SDC2: variants seen among roughly 807,000 people sequenced by gnomAD.
The protein encoded by SDC2 is syndecan 2.
In SDC2, 13 loss-of-function variants were observed where a neutral mutation model predicts 22.2. That is an observed-to-expected ratio of 0.59 (90% CI 0.38 to 0.93). The LOEUF (loss-of-function observed/expected upper bound fraction) is 0.93, where lower values mean the gene tolerates loss of function less well. Ranked by LOEUF, SDC2 falls within the 40% of genes least tolerant of loss-of-function variation. The pLI, the probability that SDC2 is intolerant of heterozygous loss-of-function variation, is 0.00. For missense variants in SDC2, 235 were observed against 246.8 expected, an observed-to-expected ratio of 0.95 and a Z score of 0.32; for synonymous variants, 94 against 92.8, an observed-to-expected ratio of 1.01 and a Z score of -0.07.
At chr8:96,586,985 C>T (rs1416680502) in intron 1 of SDC2, among the ~76,000 whole-genome samples, 4 of 152,166 alleles carry the variant, frequency 2.6e-5, no homozygotes, top group African/African-American at 9.7e-5. Flanking sequence ...TGCTGTGGCG[C>T]AATCTCGGCT....
intron 1 of SDC2, among the ~76,000 whole-genome samples, chr8:96,589,287 G>T (rs1814737176): frequency 6.6e-6 from 1 of 152,172 alleles, no homozygotes; most frequent in Non-Finnish European, 1.5e-5. Context: ...TTGTATTGGT[G>T]CCTGGGGTTT....
At chr8:96,533,657 G>A (rs1813703149) in intron 1 of SDC2, among the ~76,000 whole-genome samples, 1 of 152,180 alleles carries the variant, frequency 6.6e-6, no homozygotes. Context: ...TAGACACAGA[G>A]TGCTGATTGG....
At chr8:96,589,615 T>C (rs1814744202) in intron 1 of SDC2, among the ~76,000 whole-genome samples, 1 of 152,202 alleles carries the variant, frequency 6.6e-6, no homozygotes, top group Non-Finnish European at 1.5e-5. Context: ...TTCACCATGT[T>C]GGCCAGGCTG....
At chr8:96,535,555 G>GA (rs1453983127) in intron 1 of SDC2, among the ~76,000 whole-genome samples, 1 of 152,198 alleles carries the variant, frequency 6.6e-6, no homozygotes, top group African/African-American at 2.4e-5. Flanking sequence ...AACTTAAAGA[G>GA]AAAATGCCGA....
intron 4 of SDC2, 86 bp from the exon 5 acceptor site, chr8:96,609,299 G>T: frequency 1.8e-6 from 2 of 1,113,842 alleles, no homozygotes; most frequent in Admixed American, 2.8e-5. Flanking sequence ...TTTTATAAAA[G>T]TGTAAGTAGA....
At chr8:96,588,679 C>G (rs1814726538) in intron 1 of SDC2, among the ~76,000 whole-genome samples, 1 of 152,200 alleles carries the variant, frequency 6.6e-6, no homozygotes, top group African/African-American at 2.4e-5. Context: ...GTCTGGGAGT[C>G]TGAGTTATCC....
At chr8:96,587,252 T>A (rs1256965913) in intron 1 of SDC2, among the ~76,000 whole-genome samples, 4 of 152,198 alleles carry the variant, frequency 2.6e-5, no homozygotes, top group Non-Finnish European at 5.9e-5. Context: ...ATTTCTTATG[T>A]AGGGAGGGTT....
At chr8:96,537,418 G>T (rs533257304) in intron 1 of SDC2, 1 of 152,270 alleles carries the variant, frequency 6.6e-6, no homozygotes, top group East Asian at 1.9e-4. Context: ...GCATCTCATG[G>T]TGTCCAGGTA....
At chr8:96,576,368 G>GTTTTTTTTT (rs1481198542) in intron 1 of SDC2, among the ~76,000 whole-genome samples, 23 of 16,596 alleles carry the variant, frequency 1.4e-3, no homozygotes, top group Non-Finnish European at 2.0e-3. Flanking sequence ...TTGGTAGTTT[G>GTTTTTTTTT]TTTTTGTTTT....
intron 1 of SDC2, among the ~76,000 whole-genome samples, chr8:96,573,628 C>T (rs1814439699): frequency 6.6e-6 from 1 of 152,054 alleles, no homozygotes. Flanking sequence ...GTAGATTTTA[C>T]TTACTTTAAT....
intron 1 of SDC2, among the ~76,000 whole-genome samples, chr8:96,579,077 C>T (rs942765966): frequency 6.6e-6 from 1 of 152,202 alleles, no homozygotes; most frequent in Admixed American, 6.5e-5. Context: ...TGTTTTGTTT[C>T]TTTGCCAGCA....
chr8:96,520,951 A>C (rs1313401223), intron 1 of SDC2, among the ~76,000 whole-genome samples: 2 of 152,168 alleles, frequency 1.3e-5, no homozygotes, highest in African/African-American at 4.8e-5. Context: ...GATTTGAGAG[A>C]ACAATCTAGG....
chr8:96,566,807 A>AG (rs1424898566), intron 1 of SDC2, among the ~76,000 whole-genome samples: 4 of 151,638 alleles, frequency 2.6e-5, no homozygotes, highest in African/African-American at 4.8e-5. Flanking sequence ...ATATTTAGGG[A>AG]GGGGGGTGTG....
chr8:96,565,647 A>G (rs897401161), intron 1 of SDC2, among the ~76,000 whole-genome samples: 1 of 152,096 alleles, frequency 6.6e-6, no homozygotes, highest in Non-Finnish European at 1.5e-5. Context: ...TGTGGCCTTT[A>G]TATCTGTGTC....
intron 1 of SDC2, among the ~76,000 whole-genome samples, chr8:96,581,007 GA>G (rs932987815): frequency 6.6e-6 from 1 of 151,768 alleles, no homozygotes; most frequent in Non-Finnish European, 1.5e-5. Context: ...CTAACTTGGA[GA>G]AAAAAAATTC....
At chr8:96,580,561 G>T in intron 1 of SDC2, 1 of 979,806 alleles carries the variant, frequency 1.0e-6, no homozygotes, top group South Asian at 4.7e-5. Context: ...CAGAGGTTCT[G>T]TCTGGAGGTG....
intron 1 of SDC2, among the ~76,000 whole-genome samples, chr8:96,559,121 C>T (rs949049531): frequency 6.6e-6 from 1 of 152,100 alleles, no homozygotes; most frequent in Admixed American, 6.6e-5. Flanking sequence ...TCTCTGGGAT[C>T]TCCCTAAGGA....
intron 1 of SDC2, among the ~76,000 whole-genome samples, chr8:96,525,302 G>A (rs751720324): frequency 6.6e-6 from 1 of 152,084 alleles, no homozygotes; most frequent in Non-Finnish European, 1.5e-5. Context: ...ACCCCATTTG[G>A]TGCTGCTGTA....
chr8:96,507,246 A>T (rs1275626371), intron 1 of SDC2, among the ~76,000 whole-genome samples: 1 of 152,136 alleles, frequency 6.6e-6, no homozygotes, highest in Non-Finnish European at 1.5e-5. Context: ...TTATTAGTGT[A>T]TTTTCTTATA....
Sources: allele counts gnomAD v4.1 joint callset (sites outside exome capture counted in the v4.1 genomes callset), GRCh38; gene constraint gnomAD v4.1.1; transcripts MANE v1.5; gene names NCBI Gene and HGNC (gene_info 2026-07-23, HGNC 2026-07-21).